The following DDX60 variants were observed in gnomAD, a reference collection of about 807,000 sequenced individuals.
DDX60 encodes the protein probable ATP-dependent RNA helicase DDX60.
Under a neutral mutation model 212.8 loss-of-function variants are expected in DDX60, and 165 were observed. The ratio of observed to expected loss-of-function variants is 0.78; its 90% CI spans 0.68 to 0.88. The LOEUF (loss-of-function observed/expected upper bound fraction) is 0.88, where lower values mean the gene tolerates loss of function less well. Among genes scored for constraint, DDX60 ranks in the 40% least tolerant of loss-of-function variants. The pLI is 0.00. For missense variants in DDX60, 1,905 were observed against 2,003.9 expected, an observed-to-expected ratio of 0.95 and a Z score of 0.94; for synonymous variants, 703 against 685.3, an observed-to-expected ratio of 1.03 and a Z score of -0.40.
intron 6 of DDX60, among the ~76,000 whole-genome samples, chr4:168,296,908 C>A (rs1036673202): frequency 6.9e-6 from 1 of 144,304 alleles, no homozygotes; most frequent in Non-Finnish European, 1.5e-5. Context: ...GAGTCTCACT[C>A]TGTCACCAGG....
intron 6 of DDX60, among the ~76,000 whole-genome samples, chr4:168,297,342 GAA>G (rs1240688762): frequency 1.2e-5 from 1 of 85,438 alleles, no homozygotes; most frequent in Non-Finnish European, 2.1e-5. Flanking sequence ...AAGAAAGAAA[GAA>G]AGAAAGAAAG....
At chr4:168,266,810 C>T (rs980637232) in intron 22 of DDX60, among the ~76,000 whole-genome samples, 1 of 152,160 alleles carries the variant, frequency 6.6e-6, no homozygotes, top group African/African-American at 2.4e-5. Flanking sequence ...CTGAGAGTTA[C>T]ATTTAATTAT....
At chr4:168,252,846 C>G (rs1734268160) in intron 26 of DDX60, among the ~76,000 whole-genome samples, 190 bp from the exon 27 acceptor site, 1 of 151,906 alleles carries the variant, frequency 6.6e-6, no homozygotes, top group East Asian at 1.9e-4. Context: ...TCTCTGTCAC[C>G]CAGGCTGGAG....
rs770978432 is a variant in DDX60 at position 168,302,321 on chromosome 4, T to C, written c.702A>G (p.Lys234=). ...SALAPLFGSL[K]WNNITEEAHK... ...TTACCTCTTCCGTAATATTATTCCATTTTAAACTTCCAAAAAGAGGTGCTA... is the reference window on the plus strand; with the variant it reads ...TTACCTCTTCCGTAATATTATTCCACTTTAAACTTCCAAAAAGAGGTGCTA... Residue 234 remains lysine, a synonymous_variant, in exon 6 of 38, where the codon AAA becomes AAG. Transcript: ENST00000393743. 3.8e-6 allele frequency: 6 copies of C among 1,560,394 alleles called. No individual in the cohort carries two copies. In the African/African-American group the frequency reaches 6.8e-5, roughly 18 times the overall value.
chr4:168,267,780 G>A, intron 21 of DDX60, 61 bp downstream of exon 21: 1 of 1,540,296 alleles, frequency 6.5e-7, no homozygotes, highest in Non-Finnish European at 8.8e-7. Flanking sequence ...TCAAGGCAAT[G>A]GCAGATTTTT....
chr4:168,217,334 C>A (rs548322976), intron 37 of DDX60, among the ~76,000 whole-genome samples: 2 of 152,264 alleles, frequency 1.3e-5, no homozygotes, highest in African/African-American at 4.8e-5. Context: ...ACGCAAATTC[C>A]TTTTCTTTCC....
chr4:168,312,692 T>C (rs823288), intron 1 of DDX60, among the ~76,000 whole-genome samples: 33,525 of 145,302 alleles, frequency 0.23, 3,832 homozygotes, highest in Middle Eastern at 0.3. Context: ...AGTAGATAGA[T>C]TGATTGATAT....
At chr4:168,275,060 C>T (rs1735273735) in intron 16 of DDX60, among the ~76,000 whole-genome samples, 1 of 152,132 alleles carries the variant, frequency 6.6e-6, no homozygotes, top group African/African-American at 2.4e-5. Flanking sequence ...CACGGAAAAC[C>T]TGGAGGCTGC....
chr4:168,299,534 TAAA>T (rs1163962447), intron 6 of DDX60, among the ~76,000 whole-genome samples: 1 of 150,716 alleles, frequency 6.6e-6, no homozygotes, highest in Non-Finnish European at 1.5e-5. Context: ...TTAAATAACT[TAAA>T]AACAGACAAA....
intron 29 of DDX60, among the ~76,000 whole-genome samples, 176 bp downstream of exon 29, chr4:168,248,012 C>A (rs377384712): frequency 2.3e-4 from 35 of 152,230 alleles, no homozygotes; most frequent in African/African-American, 8.2e-4. Flanking sequence ...TCACACAATC[C>A]CAAATGCAGG....
intron 28 of DDX60, 22 bp from the exon 29 acceptor site, chr4:168,248,314 T>C: frequency 6.6e-7 from 1 of 1,522,116 alleles, no homozygotes; most frequent in Non-Finnish European, 8.9e-7. Flanking sequence ...ATAAAACAAT[T>C]ACTTCATAAA....
At position 168,251,016 on chromosome 4, in the gene DDX60, T is replaced by A; in HGVS notation, c.3796A>T (p.Ser1266Cys). ...TGTTTTTCTTTGAAACTCATAGCAC[T>A]GTGATGATATCCAATACCCCTTTCT... Reference protein sequence around the residue: ...LAERGIGYHHSAMSFKEKQLV... With the variant: ...LAERGIGYHHCAMSFKEKQLV... The change falls in exon 28 of 38, where the codon AGT (serine) becomes TGT (cysteine). Residue 1266 changes from serine (S) to cysteine (C), a missense_variant. Transcript: ENST00000393743. 3 of 1,611,794 alleles carry A rather than the reference T, an allele frequency of 1.9e-6. No individual in the cohort carries two copies.
chr4:168,260,032 TAAA>T (rs1560833892), intron 25 of DDX60, among the ~76,000 whole-genome samples: 4 of 152,150 alleles, frequency 2.6e-5, no homozygotes, highest in African/African-American at 4.8e-5. Context: ...GCAAACTAAA[TAAA>T]GAAGGTAATT....
chr4:168,238,440 AAGGGAAG>A (rs1189875399), intron 30 of DDX60, among the ~76,000 whole-genome samples: 1 of 89,490 alleles, frequency 1.1e-5, no homozygotes, highest in East Asian at 4.6e-4. Flanking sequence ...AAGGGAAGGG[AAGGGAAG>A]GGAAGGGAAG....
At chr4:168,286,915 G>A (rs1034250797) in intron 10 of DDX60, 133 bp downstream of exon 10, 4 of 622,494 alleles carry the variant, frequency 6.4e-6, no homozygotes, top group African/African-American at 3.8e-5. Flanking sequence ...TAAGAATAAA[G>A]GTAATTTATT....
rs34647800 is a variant in DDX60 at position 168,317,057 on chromosome 4, C to CAAAAAAA, written c.-107+1558_-107+1564dup. ...TGGGCAAAAGAGCAAGACTCCGTCT[C>CAAAAAAA]AAAAAAAAAAAAAAAAAAAGAAGAA... On this transcript the variant is annotated intron_variant, in intron 1 of 37. Transcript: ENST00000393743. 1.4e-4 allele frequency among the ~76,000 whole-genome samples: 7 copies of CAAAAAAA among 49,788 alleles called. 1 individual carries two copies. The highest frequency in any genetic ancestry group is 3.8e-4 in the African/African-American group (4 of 10,450). The allele number at this position is 49,788 out of a possible 152,430, so 32.7% of individuals were successfully genotyped here.
intron 23 of DDX60, 41 bp from the exon 24 acceptor site, chr4:168,262,169 G>A: frequency 1.3e-6 from 2 of 1,555,316 alleles, no homozygotes; most frequent in Non-Finnish European, 8.6e-7. Context: ...AATCATGCAA[G>A]AAAATCCAAA....
At chr4:168,222,859 AAC>A (rs2149490560) in intron 35 of DDX60, among the ~76,000 whole-genome samples, 1 of 152,224 alleles carries the variant, frequency 6.6e-6, no homozygotes, top group East Asian at 1.9e-4. Flanking sequence ...ACAAGAAACA[AAC>A]ACAACTATTC....
chr4:168,271,908 A>G (rs1254407040), intron 19 of DDX60, 135 bp downstream of exon 19: 1 of 678,900 alleles, frequency 1.5e-6, no homozygotes, highest in Non-Finnish European at 2.5e-6. Context: ...CTGAAAAATC[A>G]CTCAGGAAAA....
Sources: gnomAD v4.1 joint callset for allele counts (sites outside exome capture counted in the v4.1 genomes callset) on GRCh38, gnomAD v4.1.1 for gene constraint, MANE v1.5 for transcripts, NCBI Gene and HGNC (gene_info 2026-07-23, HGNC 2026-07-21) for gene names.